Variants in ZNF83 observed in about 807,000 individuals in gnomAD.
ZNF83 encodes zinc finger protein 83, also known as zinc finger protein 816B.
For synonymous variants in ZNF83, 209 were observed against 213.0 expected, an observed-to-expected ratio of 0.98 and a Z score of 0.17; for missense variants, 552 against 629.9, an observed-to-expected ratio of 0.88 and a Z score of 1.32.
intron 1 of ZNF83, among the ~76,000 whole-genome samples, chr19:52,666,178 AGAAAG>A (rs1403091563): frequency 6.6e-6 from 1 of 150,834 alleles, no homozygotes; most frequent in Non-Finnish European, 1.5e-5. Context: ...AAAAAAAAAA[AGAAAG>A]AGACAGAGAG....
In ZNF83 at chr19:52,670,024, T is replaced by C. The variant is rs186844566; in HGVS notation, c.-282-9181A>G. On this transcript the variant is annotated intron_variant, in intron 1 of 5. Coordinates refer to the ZNF83 transcript ENST00000594682. ...TTTTCAAAGAATCAATAAGTCAGTA[T>C]GTTCAATTCTTTGCCTTCTACTTTT... Among the ~76,000 whole-genome samples, 415 of 152,342 alleles carry C rather than the reference T, an allele frequency of 2.7e-3. 3 individuals carry two copies. The highest frequency in any genetic ancestry group is 4.0e-3 in the Non-Finnish European group (270 of 68,030).
At chr19:52,641,353 AG>A (rs1332908370), upstream of ZNF83, among the ~76,000 whole-genome samples, 2 of 152,238 alleles carry the variant, frequency 1.3e-5, no homozygotes, top group African/African-American at 4.8e-5. Context: ...GTGAAATATT[AG>A]GAAGTTTCAC....
intron 2 of ZNF83, among the ~76,000 whole-genome samples, chr19:52,621,128 G>C (rs1402275536): frequency 1.3e-5 from 2 of 152,168 alleles, no homozygotes; most frequent in African/African-American, 4.8e-5. Flanking sequence ...TGAGATGTGG[G>C]ACAGGAGGAC....
intron 1 of ZNF83, among the ~76,000 whole-genome samples, chr19:52,674,559 T>G (rs768914441): frequency 1.3e-5 from 2 of 152,214 alleles, no homozygotes; most frequent in Non-Finnish European, 2.9e-5. Context: ...GTGGAACTAA[T>G]AAACATTCAG....
intron 1 of ZNF83, among the ~76,000 whole-genome samples, chr19:52,681,280 C>CAA (rs56916405): frequency 0.27 from 20,331 of 74,924 alleles, 3,089 homozygotes; most frequent in East Asian, 0.34. Flanking sequence ...GAGACTTTCT[C>CAA]AAAAAAAAAA....
In ZNF83 at chr19:52,687,546, TTA is replaced by T. The variant is rs1279627177; in HGVS notation, c.-283+2895_-283+2896del. 7.5e-5 allele frequency among the ~76,000 whole-genome samples: 3 copies of T among 39,794 alleles called. 1 individual carries two copies. The South Asian group carries it at 2.1e-3, about 27-fold the overall frequency. The allele number at this position is 39,794 out of a possible 152,430, so 26.1% of individuals were successfully genotyped here. On this transcript the variant is annotated intron_variant, in intron 1 of 5. Transcript: ENST00000594682. ...TTTATATATAAATTATATATATAAA[TTA>T]TATGTGTAAATTTTATATATATATA...
intron 3 of ZNF83, chr19:52,655,473 G>A (rs532807632): frequency 1.6e-5 from 20 of 1,237,264 alleles, no homozygotes; most frequent in Admixed American, 1.0e-4. Flanking sequence ...GCATGTATGC[G>A]GCAAAATCAC....
chr19:52,650,315 G>A (rs1427453838), intron 3 of ZNF83: 1 of 151,336 alleles, frequency 6.6e-6, no homozygotes, highest in African/African-American at 2.4e-5. Flanking sequence ...GGAGTGCAAT[G>A]GCGTGATCTT....
chr19:52,662,076 T>C (rs988063496), intron 1 of ZNF83, among the ~76,000 whole-genome samples: 1 of 152,128 alleles, frequency 6.6e-6, no homozygotes, highest in Non-Finnish European at 1.5e-5. Flanking sequence ...TCCATAGGGA[T>C]GAGGTCTTGA....
chr19:52,681,279 T>C (rs1478789730), intron 1 of ZNF83, among the ~76,000 whole-genome samples: 3 of 15,020 alleles, frequency 2.0e-4, no homozygotes, highest in South Asian at 4.0e-3. Flanking sequence ...TGAGACTTTC[T>C]CAAAAAAAAA....
At chr19:52,624,861 C>T (rs2060679618) in intron 2 of ZNF83, among the ~76,000 whole-genome samples, 2 of 152,160 alleles carry the variant, frequency 1.3e-5, no homozygotes, top group Admixed American at 1.3e-4. Context: ...CTTCCTCACA[C>T]CTGATGCATA....
chr19:52,674,015 CAAA>C (rs67570337), intron 1 of ZNF83, among the ~76,000 whole-genome samples: 6 of 73,042 alleles, frequency 8.2e-5, no homozygotes, highest in Admixed American at 1.7e-4. Context: ...GACTCCATCT[CAAA>C]AAAAAAAAAA....
intron 2 of ZNF83, among the ~76,000 whole-genome samples, chr19:52,627,843 C>T (rs1444398191): frequency 1.3e-5 from 2 of 152,100 alleles, no homozygotes; most frequent in East Asian, 1.9e-4. Context: ...GTGACCTGCA[C>T]GTACACATCC....
At chr19:52,612,943 C>T (rs994629893) in exon 3 of ZNF83, 53 of 1,336,582 alleles carry the variant, frequency 4.0e-5, no homozygotes, top group Non-Finnish European at 4.9e-5. Flanking sequence ...ATTATACTTG[C>T]AAAGTTTTTC....
At chr19:52,683,785 C>T (rs2061967603) in intron 1 of ZNF83, among the ~76,000 whole-genome samples, 1 of 152,150 alleles carries the variant, frequency 6.6e-6, no homozygotes, top group Non-Finnish European at 1.5e-5. Flanking sequence ...AATGTGGGAA[C>T]ATCCTCACAT....
intron 1 of ZNF83, among the ~76,000 whole-genome samples, chr19:52,677,262 G>A (rs1486917207): frequency 6.6e-6 from 1 of 150,998 alleles, no homozygotes; most frequent in African/African-American, 2.4e-5. Context: ...AAGTTGGTGA[G>A]GGGCATTTTG....
At chr19:52,627,561 G>A (rs1053070753) in intron 2 of ZNF83, among the ~76,000 whole-genome samples, 1 of 152,072 alleles carries the variant, frequency 6.6e-6, no homozygotes, top group African/African-American at 2.4e-5. Context: ...ACTGAGGCAG[G>A]AGAATCCCTT....
chr19:52,655,606 A>G, exon 3 of ZNF83: 2 of 1,505,406 alleles, frequency 1.3e-6, no homozygotes, highest in South Asian at 2.3e-5. Flanking sequence ...ACGGCCCTGT[A>G]TAAAGCCCTC....
intron 1 of ZNF83, among the ~76,000 whole-genome samples, chr19:52,687,097 C>T (rs1428090959): frequency 6.6e-6 from 1 of 150,644 alleles, no homozygotes; most frequent in Non-Finnish European, 1.5e-5. Context: ...AGGAGAATTG[C>T]TTGAACCCAG....
Sources: allele counts gnomAD v4.1 joint callset (sites outside exome capture counted in the v4.1 genomes callset), GRCh38; gene constraint gnomAD v4.1.1; transcripts MANE v1.5; gene names NCBI Gene and HGNC (gene_info 2026-07-23, HGNC 2026-07-21).